OXR1: variants seen among roughly 807,000 people sequenced by gnomAD.
The protein encoded by OXR1 is oxidation resistance 1.
Under a neutral mutation model 104.6 loss-of-function variants are expected in OXR1, and 41 were observed. The observed-to-expected ratio is 0.39, with a 90% CI of 0.31 to 0.51. OXR1 has a LOEUF of 0.51. Among genes scored for constraint, OXR1 ranks in the 20% least tolerant of loss-of-function variants. OXR1 has a pLI of 0.77. For synonymous variants in OXR1, 348 were observed against 348.4 expected (o/e 1.00, Z 0.01); for missense variants, 955 against 1,031.9 (o/e 0.93, Z 1.02).
intron 3 of OXR1, among the ~76,000 whole-genome samples, chr8:106,676,625 C>T (rs943322956): frequency 6.6e-6 from 1 of 152,092 alleles, no homozygotes; most frequent in African/African-American, 2.4e-5. Context: ...CCCTCAATCT[C>T]TTCTGGCTTG....
At chr8:106,670,478 G>A (rs895344833) in intron 3 of OXR1, among the ~76,000 whole-genome samples, 10 of 152,140 alleles carry the variant, frequency 6.6e-5, no homozygotes, top group South Asian at 4.2e-4. Context: ...ACAGGCCCAC[G>A]GTAACTCTAG....
chr8:106,505,707 C>T (rs181999662), intron 2 of OXR1, among the ~76,000 whole-genome samples: 6 of 152,278 alleles, frequency 3.9e-5, no homozygotes, highest in African/African-American at 1.4e-4. Flanking sequence ...TGCAAAGGCC[C>T]TCTGGACAGA....
At position 106,720,700 on chromosome 8, in the gene OXR1, C is replaced by A. The variant is rs186932422; in HGVS notation, c.1956+6715C>A. 6.0e-5 allele frequency: 59 copies of A among 976,236 alleles called. No individual in the cohort carries two copies. The African/African-American group carries it at 9.4e-4, about 16-fold the overall frequency. 60.5% of individuals were successfully genotyped at this position (976,236 alleles called of 1,614,324 possible). A position where few individuals can be genotyped will look rare whatever the true frequency, so the allele number is the denominator to read the frequency against. ...CAGGACTTCCATCATGTTGTGTACT[C>A]AGAGATACTACAAGGAGAGGAAGAT... is the stretch of plus-strand genomic sequence containing the variant. On this transcript the variant is annotated intron_variant, in intron 11 of 16. Coordinates refer to ENST00000517566, the MANE Select transcript of OXR1 (RefSeq NM_001198533.2).
In OXR1 at chr8:106,578,983, C is replaced by CTTTTTTT. The variant is rs146593561; in HGVS notation, c.220+59847_220+59848insTTTTTTT. On this transcript the variant is annotated intron_variant, in intron 3 of 16. Transcript: ENST00000517566. The stretch of plus-strand genomic sequence containing the variant: ...GACCACCTAGGTAACCTCACTTTTT[C>CTTTTTTT]TTTCTTTTTTTTTTTTTTTGCCTAG... 1.2e-4 allele frequency among the ~76,000 whole-genome samples: 16 copies of CTTTTTTT among 131,004 alleles called. 2 individuals carry two copies. Among genetic ancestry groups the CTTTTTTT allele is most frequent in the East Asian group, 2.3e-4 (1 of 4,360 alleles). 85.9% of individuals were successfully genotyped at this position (131,004 alleles called of 152,430 possible). A position where few individuals can be genotyped will look rare whatever the true frequency, so the allele number is the denominator to read the frequency against.
chr8:106,723,942 A>G (rs1587245929), intron 11 of OXR1, among the ~76,000 whole-genome samples: 1 of 149,064 alleles, frequency 6.7e-6, no homozygotes. Flanking sequence ...GGTATGTGCC[A>G]CCTCATCCAG....
intron 1 of OXR1, among the ~76,000 whole-genome samples, chr8:106,297,004 A>G (rs1813027078): frequency 6.6e-6 from 1 of 152,188 alleles, no homozygotes; most frequent in South Asian, 2.1e-4. Flanking sequence ...ACGCTACTCA[A>G]CATTATCACT....
chr8:106,482,610 A>G (rs564735787), intron 2 of OXR1, among the ~76,000 whole-genome samples: 13 of 152,184 alleles, frequency 8.5e-5, no homozygotes, highest in Non-Finnish European at 1.3e-4. Context: ...ATATGATGTA[A>G]TTAATAAATA....
In OXR1 at chr8:106,706,769, T is replaced by C. The variant is rs550721258; in HGVS notation, c.1248T>C (p.Asn416=). ...TATGTCATAAAACTGATTTAAATAA[T>C]CTTGAAATGGCCATTAAGGAAGATC... is the stretch of plus-strand genomic sequence containing the variant. The part of the protein sequence containing the change: ...GTLCHKTDLN[N]LEMAIKEDQI... The change falls in exon 9 of 17, where the codon AAT becomes AAC. Residue 416 remains asparagine (N), a synonymous_variant. Coordinates refer to ENST00000517566, the MANE Select transcript of OXR1 (RefSeq NM_001198533.2). The C allele has an allele frequency of 1.2e-6, 2 of 1,612,574 alleles. No individual in the cohort carries two copies. Among genetic ancestry groups the C allele is most frequent in the African/African-American group, 2.7e-5 (2 of 74,900 alleles).
intron 2 of OXR1, among the ~76,000 whole-genome samples, chr8:106,511,572 CTT>C (rs1812533761): frequency 6.8e-6 from 1 of 147,844 alleles, no homozygotes; most frequent in Non-Finnish European, 1.5e-5. Flanking sequence ...CACACACACA[CTT>C]GTGTGAATAT....
At chr8:106,276,753 C>CAAAAA (rs56303147) in intron 1 of OXR1, among the ~76,000 whole-genome samples, 1 of 77,758 alleles carries the variant, frequency 1.3e-5, no homozygotes, top group African/African-American at 4.9e-5. Context: ...CTGTTAGAGG[C>CAAAAA]AAAAAAAAAA....
chr8:106,518,738 TAGGC>T (rs1813040974), intron 2 of OXR1, among the ~76,000 whole-genome samples: 1 of 152,236 alleles, frequency 6.6e-6, no homozygotes, highest in Non-Finnish European at 1.5e-5. Flanking sequence ...TCAAAATGAT[TAGGC>T]AGAAGATATT....
chr8:106,442,768 G>A lies in OXR1; in HGVS notation c.24-76175G>A, dbSNP rs201602760. ...CTGTGGGGTCAGTGGTGATATCCCC[G>A]TTATCATTTTTTATTGTGTCTATTT... On this transcript the variant is annotated intron_variant, in intron 2 of 16. Coordinates refer to ENST00000517566, the MANE Select transcript of OXR1 (RefSeq NM_001198533.2). Among the ~76,000 whole-genome samples, 112 of 152,024 alleles carry A rather than the reference G, an allele frequency of 7.4e-4. 1 individual carries two copies. Among genetic ancestry groups the A allele is most frequent in the African/African-American group, 2.1e-3 (89 of 41,498 alleles).
intron 3 of OXR1, among the ~76,000 whole-genome samples, chr8:106,561,934 CA>C (rs1425579344): frequency 6.6e-6 from 1 of 152,154 alleles, no homozygotes. Context: ...TCAACATCAA[CA>C]AAAAGGACAT....
At chr8:106,590,449 A>C (rs1367958125) in intron 3 of OXR1, among the ~76,000 whole-genome samples, 3 of 152,116 alleles carry the variant, frequency 2.0e-5, no homozygotes, top group African/African-American at 7.2e-5. Context: ...CACCACACCC[A>C]GCTCATTTTT....
intron 11 of OXR1, among the ~76,000 whole-genome samples, chr8:106,730,881 T>TA (rs35686885): frequency 2.1e-4 from 30 of 143,898 alleles, no homozygotes; most frequent in Admixed American, 3.5e-4. Flanking sequence ...ACCTTGTCTT[T>TA]AAAAAAAAAA....
chr8:106,713,119 A>G (rs1831868680), intron 10 of OXR1, among the ~76,000 whole-genome samples: 1 of 152,038 alleles, frequency 6.6e-6, no homozygotes, highest in African/African-American at 2.4e-5. Context: ...TTTAAAAATC[A>G]TTATATTGAA....
chr8:106,298,026 A>G (rs1468521765), intron 1 of OXR1, among the ~76,000 whole-genome samples: 3 of 152,202 alleles, frequency 2.0e-5, no homozygotes, highest in Non-Finnish European at 4.4e-5. Flanking sequence ...GCAAAGGAAT[A>G]TTGCAATAAA....
intron 2 of OXR1, among the ~76,000 whole-genome samples, chr8:106,367,287 TCTC>T (rs1816511578): frequency 1.3e-5 from 2 of 151,960 alleles, no homozygotes; most frequent in African/African-American, 2.4e-5. Flanking sequence ...ACAGTCTCGA[TCTC>T]CTGACCTCGT....
chr8:106,660,496 C>G (rs1473085638), intron 3 of OXR1, among the ~76,000 whole-genome samples: 1 of 152,200 alleles, frequency 6.6e-6, no homozygotes, highest in East Asian at 1.9e-4. Context: ...GATACTTTCA[C>G]ACATGTAAAT....
Sources: gnomAD v4.1 joint callset for allele counts (sites outside exome capture counted in the v4.1 genomes callset) on GRCh38, gnomAD v4.1.1 for gene constraint, MANE v1.5 for transcripts, NCBI Gene and HGNC (gene_info 2026-07-23, HGNC 2026-07-21) for gene names.